GLS: variants seen among roughly 807,000 people sequenced by gnomAD.
GLS encodes glutaminase kidney isoform, mitochondrial.
A neutral mutation model predicts 86.7 loss-of-function variants in GLS; 36 were observed. The observed-to-expected ratio is 0.42, with a 90% CI of 0.32 to 0.55. GLS has a LOEUF of 0.55. Among genes scored for constraint, GLS ranks in the 20% least tolerant of loss-of-function variants. GLS has a pLI of 0.17. For synonymous variants in GLS, 317 were observed against 305.9 expected (o/e 1.04, Z -0.38); for missense variants, 528 against 833.4 (o/e 0.63, Z 4.51).
Position 190,949,250 on chromosome 2 carries a change from C to T in GLS, c.1651-4315C>T, listed in dbSNP as rs192715003. ...TGATTTTGGGTTTCTTGATACTCCG[C>T]TGCTTAGAAACCTGTAGTGATTAGA... On this transcript the variant is annotated intron_variant, in intron 14 of 17. Transcript: ENST00000320717. This position sits in a 1 kb window ranked among gnomAD's most constrained non-coding sequence, Gnocchi z 4.0. Among the ~76,000 whole-genome samples the T allele has an allele frequency of 6.6e-6, 1 of 152,260 alleles. No homozygotes were observed. Among genetic ancestry groups the T allele is most frequent in the East Asian group, 1.9e-4 (1 of 5,188 alleles).
At position 190,963,314 on chromosome 2, in the gene GLS, G is replaced by A. The variant is rs1447025144; in HGVS notation, c.*328G>A. The A allele has an allele frequency of 5.0e-6, 1 of 199,630 alleles. No individual in the cohort carries two copies. Among genetic ancestry groups the A allele is most frequent in the African/African-American group, 2.3e-5 (1 of 42,560 alleles). The allele number at this position is 199,630 out of a possible 1,614,324, so 12.4% of individuals were successfully genotyped here. On this transcript the variant is annotated 3_prime_UTR_variant, in exon 18 of 18. Coordinates refer to ENST00000320717, the MANE Select transcript of GLS (RefSeq NM_014905.5). ...TTTCAATTTATGGTGATGATCTGCT[G>A]ATATGCATTTATAAAGTAAGCTCTG...
chr2:190,889,498 A>G (rs527970684), intron 1 of GLS, among the ~76,000 whole-genome samples: 3 of 152,306 alleles, frequency 2.0e-5, no homozygotes, highest in Non-Finnish European at 2.9e-5. Context: ...CTACCTATAT[A>G]TGTTAGTTAT....
intron 6 of GLS, among the ~76,000 whole-genome samples, chr2:190,907,073 C>T (rs987896368): frequency 2.0e-5 from 3 of 151,314 alleles, no homozygotes; most frequent in Admixed American, 1.3e-4. Flanking sequence ...TACAGGCACC[C>T]GCCAGCACGC....
At position 190,897,747 on chromosome 2, in the gene GLS, G is replaced by A. The variant is rs751658679; in HGVS notation, c.605+2022G>A. ...CTTCTCCCTTTCATGCAGCTAGGGA[G>A]GAGATGTTAAAACATGGGATTCATT... On this transcript the variant is annotated intron_variant, in intron 3 of 17. Coordinates refer to ENST00000320717, the MANE Select transcript of GLS (RefSeq NM_014905.5). This position sits in a 1 kb window ranked among gnomAD's most constrained non-coding sequence, Gnocchi z 4.3. Among the ~76,000 whole-genome samples the A allele has an allele frequency of 6.6e-6, 1 of 152,192 alleles. No individual in the cohort carries two copies. Among genetic ancestry groups the A allele is most frequent in the Non-Finnish European group, 1.5e-5 (1 of 68,032 alleles).
At chr2:190,926,567 G>A (rs1258207252) in intron 11 of GLS, among the ~76,000 whole-genome samples, 1 of 152,024 alleles carries the variant, frequency 6.6e-6, no homozygotes, top group African/African-American at 2.4e-5. Context: ...AATAAAATGT[G>A]GAAAAATTTA....
intron 6 of GLS, 144 bp from the exon 7 acceptor site, chr2:190,910,119 G>C (rs909038690): frequency 7.3e-6 from 4 of 547,422 alleles, no homozygotes; most frequent in African/African-American, 2.0e-5. Context: ...GTATGTGCTT[G>C]TATATAAAGA....
intron 1 of GLS, among the ~76,000 whole-genome samples, chr2:190,882,325 C>T (rs989112266): frequency 4.6e-5 from 7 of 152,188 alleles, no homozygotes; most frequent in African/African-American, 1.2e-4. Context: ...TGTATGTGTA[C>T]GGCACAGTAG....
chr2:190,915,152 G>A lies in GLS; in HGVS notation c.1038+4831G>A, dbSNP rs561885606. 1.3e-3 allele frequency among the ~76,000 whole-genome samples: 198 copies of A among 150,922 alleles called. 1 individual carries two copies. The highest frequency in any genetic ancestry group is 2.6e-3 in the Admixed American group (39 of 15,202). ...ACTACAGGCGCCCGCCACTGTGCCT[G>A]GCTAATTTTTTTTTTTTTTTTGTAT... is the stretch of plus-strand genomic sequence containing the variant. On this transcript the variant is annotated intron_variant, in intron 7 of 17. Transcript: ENST00000320717.
chr2:190,922,545 C>G (rs1040007776), intron 9 of GLS, among the ~76,000 whole-genome samples: 1 of 152,090 alleles, frequency 6.6e-6, no homozygotes, highest in Non-Finnish European at 1.5e-5. Context: ...AGACTCTGCC[C>G]TCCTTAAGAC....
chr2:190,906,336 T>G (rs1191324146), intron 6 of GLS, among the ~76,000 whole-genome samples: 2 of 152,064 alleles, frequency 1.3e-5, no homozygotes, highest in Non-Finnish European at 2.9e-5. Flanking sequence ...TCGAGGGAGA[T>G]ATTTAAGAAA....
intron 14 of GLS, among the ~76,000 whole-genome samples, chr2:190,936,163 A>AT (rs1010038280): frequency 6.0e-5 from 9 of 151,080 alleles, no homozygotes; most frequent in Non-Finnish European, 1.0e-4. Context: ...GCTTTTAAAG[A>AT]TTTTTTTAAA....
At position 190,880,847 on chromosome 2, in the gene GLS, A is replaced by C. The variant is rs966248416; in HGVS notation, c.-238A>C. Reference sequence around the variant, plus strand: ...GTGCGGAGCCTTAGGCGGAGCGAAGAGAACCGGTCGCGGCAATCCTAGCGC... The same window carrying C: ...GTGCGGAGCCTTAGGCGGAGCGAAGCGAACCGGTCGCGGCAATCCTAGCGC... On this transcript the variant is annotated 5_prime_UTR_variant, in exon 1 of 18. Coordinates refer to ENST00000320717, the MANE Select transcript of GLS (RefSeq NM_014905.5). The C allele has an allele frequency of 4.5e-5, 36 of 799,926 alleles. No individual in the cohort carries two copies. The African/African-American group carries it at 5.2e-4, about 12-fold the overall frequency. The allele number at this position is 799,926 out of a possible 1,614,324, so 49.6% of individuals were successfully genotyped here. A position where few individuals can be genotyped will look rare whatever the true frequency, so the allele number is the denominator to read the frequency against.
rs1251328310 is a variant in GLS at position 190,880,911 on chromosome 2, A to C, written c.-174A>C. 7 of 856,620 alleles carry C rather than the reference A, an allele frequency of 8.2e-6. No homozygotes were observed. In the Admixed American group the frequency reaches 9.4e-5, roughly 11 times the overall value. The allele number at this position is 856,620 out of a possible 1,614,324, so 53.1% of individuals were successfully genotyped here. ...CAGCAGCAGCAGCAGCAGCAGCAGC[A>C]GCAGCAGCACCCGCATCCGCTGCGG... On this transcript the variant is annotated 5_prime_UTR_variant, in exon 1 of 18. Transcript: ENST00000320717.
At chr2:190,900,066 T>C (rs1201576410) in intron 3 of GLS, among the ~76,000 whole-genome samples, 1 of 152,164 alleles carries the variant, frequency 6.6e-6, no homozygotes, top group African/African-American at 2.4e-5. Flanking sequence ...TTAATCTGAC[T>C]AAACAAAGTT....
At chr2:190,899,951 CAA>C (rs1559320586) in intron 3 of GLS, among the ~76,000 whole-genome samples, 1 of 151,900 alleles carries the variant, frequency 6.6e-6, no homozygotes, top group African/African-American at 2.4e-5. Flanking sequence ...TTTGGTGACT[CAA>C]ATAATATAAA....
Position 190,964,981 on chromosome 2 carries a change from C to A in GLS, c.*1995C>A, listed in dbSNP as rs1222328384. The A allele has an allele frequency of 6.6e-6, 1 of 152,044 alleles. No individual in the cohort carries two copies. Among genetic ancestry groups the A allele is most frequent in the African/African-American group, 2.4e-5 (1 of 41,402 alleles). The allele number at this position is 152,044 out of a possible 1,614,324, so 9.4% of individuals were successfully genotyped here. A position where few individuals can be genotyped will look rare whatever the true frequency, so the allele number is the denominator to read the frequency against. On this transcript the variant is annotated 3_prime_UTR_variant, in exon 18 of 18. Transcript: ENST00000320717. The surrounding 1 kb of genome is among the most constrained non-coding windows in gnomAD (Gnocchi z 5.2). ...TCAGATCAAAACCATTCTGTAAAAT[C>A]TTTGTTGTTTAATTAAATGTGCCGT...
chr2:190,885,167 A>T (rs1223024647), intron 1 of GLS, among the ~76,000 whole-genome samples: 3 of 152,156 alleles, frequency 2.0e-5, no homozygotes, highest in Non-Finnish European at 4.4e-5. Context: ...GGGCAAAGAA[A>T]ATCATCGAGG....
At chr2:190,890,352 A>G (rs1688519445) in intron 1 of GLS, among the ~76,000 whole-genome samples, 3 of 151,564 alleles carry the variant, frequency 2.0e-5, no homozygotes, top group Admixed American at 1.3e-4. Context: ...CTCTTCTAGG[A>G]CTCTCTTTTA....
At chr2:190,883,797 A>G (rs1424614331) in intron 1 of GLS, among the ~76,000 whole-genome samples, 1 of 152,206 alleles carries the variant, frequency 6.6e-6, no homozygotes, top group Non-Finnish European at 1.5e-5. Context: ...TAACCACACC[A>G]ATTTCATCAG....
Sources: allele counts gnomAD v4.1 joint callset (sites outside exome capture counted in the v4.1 genomes callset), GRCh38; gene constraint gnomAD v4.1.1; non-coding constraint Gnocchi (gnomAD v3.1); transcripts MANE v1.5; gene names NCBI Gene and HGNC (gene_info 2026-07-23, HGNC 2026-07-21).